Variants in CCDC102B observed in about 807,000 individuals in gnomAD.
CCDC102B encodes the protein coiled-coil domain containing 102B, also known as coiled-coil domain-containing protein 102B.
A neutral mutation model predicts 57.4 loss-of-function variants in CCDC102B; 75 were observed. The ratio of observed to expected loss-of-function variants is 1.31; its 90% CI spans 1.08 to 1.58. The LOEUF (loss-of-function observed/expected upper bound fraction) is 1.58, where lower values mean the gene tolerates loss of function less well. CCDC102B is among the 40% of genes most tolerant of loss of function. The pLI is 0.00. For synonymous variants in CCDC102B, 206 were observed against 201.9 expected (o/e 1.02, Z -0.17); for missense variants, 636 against 582.6 (o/e 1.09, Z -0.94).
intron 4 of CCDC102B, among the ~76,000 whole-genome samples, chr18:68,852,544 C>A (rs149970982): frequency 6.6e-6 from 1 of 152,112 alleles, no homozygotes; most frequent in Non-Finnish European, 1.5e-5. Context: ...CCATTTCATT[C>A]ATGTGGAGTC....
rs558502418 is a variant in CCDC102B at position 68,852,106 on chromosome 18, T to C, written c.936+5685T>C. Reference sequence around the variant, plus strand: ...TTGGACCAGGTCGCCTGCCTTCTTTTCTTCTCCCGGAAGGTGTGGCCACTT... The same window carrying C: ...TTGGACCAGGTCGCCTGCCTTCTTTCCTTCTCCCGGAAGGTGTGGCCACTT... On this transcript the variant is annotated intron_variant, in intron 4 of 7. Transcript: ENST00000360242. Among the ~76,000 whole-genome samples, 3 of 149,338 alleles carry C rather than the reference T, an allele frequency of 2.0e-5. No individual in the cohort carries two copies. The South Asian group carries it at 6.6e-4, about 33-fold the overall frequency.
intron 2 of CCDC102B, among the ~76,000 whole-genome samples, chr18:68,782,659 T>G (rs908257496): frequency 3.3e-5 from 5 of 152,198 alleles, no homozygotes; most frequent in South Asian, 2.1e-4. Flanking sequence ...TTTCCAGTAG[T>G]TGGAAATAAA....
At chr18:68,922,206 G>C (rs549313211) in intron 6 of CCDC102B, among the ~76,000 whole-genome samples, 1 of 152,248 alleles carries the variant, frequency 6.6e-6, no homozygotes, top group South Asian at 2.1e-4. Flanking sequence ...CACCTGAACA[G>C]TGTTAATTAA....
chr18:68,837,618 C>T (rs914457693), intron 2 of CCDC102B, among the ~76,000 whole-genome samples: 2 of 152,120 alleles, frequency 1.3e-5, no homozygotes, highest in African/African-American at 4.8e-5. Flanking sequence ...TTATAGAAAG[C>T]CGTTTTCTCC....
intron 2 of CCDC102B, among the ~76,000 whole-genome samples, chr18:68,759,329 G>T (rs1488501843): frequency 6.6e-6 from 1 of 152,008 alleles, no homozygotes; most frequent in Non-Finnish European, 1.5e-5. Context: ...GGAACTTAAA[G>T]AAATGAGTTG....
chr18:68,991,935 G>A (rs773246969), intron 6 of CCDC102B, among the ~76,000 whole-genome samples: 2 of 152,044 alleles, frequency 1.3e-5, no homozygotes, highest in Admixed American at 6.6e-5. Flanking sequence ...ATACCCTCAG[G>A]ATAACACATA....
intron 6 of CCDC102B, among the ~76,000 whole-genome samples, chr18:68,959,114 C>T (rs1412794838): frequency 3.9e-5 from 6 of 152,062 alleles, no homozygotes; most frequent in Admixed American, 2.6e-4. Context: ...TTTTCGCAGT[C>T]TGTACTTTTT....
rs1432761301 is a variant in CCDC102B, at chr18:68,899,764, AAGGT to A, written c.1263+2340_1263+2343del. On this transcript the variant is annotated intron_variant, in intron 6 of 7. Coordinates refer to ENST00000360242, the MANE Select transcript of CCDC102B (RefSeq NM_024781.3). ...TTTTATAAGTCCCTATTAATTCAAA[AAGGT>A]AGGACTTTTCACATGGTTTTACATT... 4 of 152,270 alleles carry A rather than the reference AAGGT, an allele frequency of 2.6e-5. No individual in the cohort carries two copies. The East Asian group carries it at 5.8e-4, about 22-fold the overall frequency. 9.4% of individuals were successfully genotyped at this position (152,270 alleles called of 1,614,324 possible). A position where few individuals can be genotyped will look rare whatever the true frequency, so the allele number is the denominator to read the frequency against.
intron 2 of CCDC102B, among the ~76,000 whole-genome samples, chr18:68,771,019 C>T (rs1263511737): frequency 1.3e-5 from 2 of 152,156 alleles, no homozygotes; most frequent in Non-Finnish European, 2.9e-5. Flanking sequence ...TCTGCAGGGA[C>T]CTAGATTGAT....
intron 1 of CCDC102B, among the ~76,000 whole-genome samples, chr18:68,830,295 C>T (rs2037091590): frequency 6.6e-6 from 1 of 152,014 alleles, no homozygotes; most frequent in South Asian, 2.1e-4. Flanking sequence ...AAAATGTGCA[C>T]CATGTCTATT....
intron 6 of CCDC102B, among the ~76,000 whole-genome samples, chr18:68,934,670 G>C (rs4494648): frequency 6.6e-6 from 1 of 151,624 alleles, no homozygotes; most frequent in Non-Finnish European, 1.5e-5. Flanking sequence ...GTAAAAAAAA[G>C]TTCAGTAATT....
chr18:68,938,809 A>G (rs1261671269), intron 6 of CCDC102B, among the ~76,000 whole-genome samples: 1 of 151,714 alleles, frequency 6.6e-6, no homozygotes, highest in Non-Finnish European at 1.5e-5. Context: ...ATGGGAGAAT[A>G]TAGAATCTAT....
At chr18:68,787,600 T>G (rs2144650677) in intron 2 of CCDC102B, among the ~76,000 whole-genome samples, 1 of 151,588 alleles carries the variant, frequency 6.6e-6, no homozygotes, top group Admixed American at 6.6e-5. Context: ...TTCTAGATTT[T>G]CTAGTTTATT....
chr18:68,911,906 AG>A (rs2040889514), intron 6 of CCDC102B, among the ~76,000 whole-genome samples: 1 of 151,338 alleles, frequency 6.6e-6, no homozygotes, highest in South Asian at 2.1e-4. Flanking sequence ...GTAAAAAAAA[AG>A]TTAGCTCCAG....
chr18:68,826,376 G>A (rs927895076), intron 1 of CCDC102B, among the ~76,000 whole-genome samples: 4 of 152,126 alleles, frequency 2.6e-5, no homozygotes, highest in South Asian at 2.1e-4. Flanking sequence ...TCCTTGCCAC[G>A]TGGGCCTCTC....
At chr18:69,041,735 A>G (rs975292713) in intron 7 of CCDC102B, among the ~76,000 whole-genome samples, 3 of 151,898 alleles carry the variant, frequency 2.0e-5, no homozygotes, top group African/African-American at 7.3e-5. Flanking sequence ...GGATTCATTG[A>G]CCTTTTGCAT....
chr18:68,875,945 T>C (rs1295944457), intron 5 of CCDC102B, among the ~76,000 whole-genome samples: 1 of 152,080 alleles, frequency 6.6e-6, no homozygotes, highest in Non-Finnish European at 1.5e-5. Flanking sequence ...TGGGGTGAGA[T>C]GGCATGTTTC....
chr18:69,037,935 C>T (rs1331661542), intron 7 of CCDC102B, among the ~76,000 whole-genome samples: 1 of 151,980 alleles, frequency 6.6e-6, no homozygotes, highest in Non-Finnish European at 1.5e-5. Flanking sequence ...GCCTTGATCA[C>T]ACCTCAGGTA....
chr18:68,733,679 A>T (rs2033000473), intron 2 of CCDC102B, among the ~76,000 whole-genome samples: 1 of 152,000 alleles, frequency 6.6e-6, no homozygotes. Flanking sequence ...GATTTAGGAA[A>T]TAAACTCACA....
Sources: allele counts gnomAD v4.1 joint callset (sites outside exome capture counted in the v4.1 genomes callset), GRCh38; gene constraint gnomAD v4.1.1; transcripts MANE v1.5; gene names NCBI Gene and HGNC (gene_info 2026-07-23, HGNC 2026-07-21).